CAB39: variants seen among roughly 807,000 people sequenced by gnomAD.
CAB39 encodes calcium binding protein 39, also known as calcium-binding protein 39.
In CAB39, 8 loss-of-function variants were observed where a neutral mutation model predicts 40.0. The observed-to-expected ratio is 0.20, with a 90% CI of 0.12 to 0.36. CAB39 has a LOEUF of 0.36. Among genes scored for constraint, CAB39 ranks in the 10% least tolerant of loss-of-function variants. The pLI is 1.00. For missense variants in CAB39, 270 were observed against 401.1 expected, an observed-to-expected ratio of 0.67 and a Z score of 2.79; for synonymous variants, 156 against 141.6, an observed-to-expected ratio of 1.10 and a Z score of -0.72.
chr2:230,772,721 G>A (rs1312674754), intron 2 of CAB39, among the ~76,000 whole-genome samples: 4 of 151,740 alleles, frequency 2.6e-5, no homozygotes, highest in South Asian at 2.1e-4. Flanking sequence ...TCCTGACCTC[G>A]TGATCTGCCT....
chr2:230,766,423 G>T (rs908124388), intron 2 of CAB39, among the ~76,000 whole-genome samples: 2 of 152,282 alleles, frequency 1.3e-5, no homozygotes, highest in South Asian at 4.1e-4. Flanking sequence ...ACCAGATCTC[G>T]CATGAACTCA....
chr2:230,785,059 C>T (rs979270685), intron 2 of CAB39, among the ~76,000 whole-genome samples: 3 of 152,190 alleles, frequency 2.0e-5, no homozygotes, highest in East Asian at 1.9e-4. Flanking sequence ...CTGTGGGCTC[C>T]GGTGTGCCTA....
intron 1 of CAB39, among the ~76,000 whole-genome samples, chr2:230,733,621 AAG>A (rs1350146379): frequency 1.3e-5 from 2 of 152,212 alleles, no homozygotes; most frequent in African/African-American, 2.4e-5. Flanking sequence ...GAACTATTGA[AAG>A]AGAAATTGGG....
chr2:230,734,765 C>T (rs1291365109), intron 1 of CAB39, among the ~76,000 whole-genome samples: 1 of 150,794 alleles, frequency 6.6e-6, no homozygotes, highest in Non-Finnish European at 1.5e-5. Flanking sequence ...CTGAGGGAGT[C>T]TAAAGAGCTG....
intron 5 of CAB39, among the ~76,000 whole-genome samples, chr2:230,799,991 C>CAAA (rs60654900): frequency 7.5e-6 from 1 of 133,612 alleles, no homozygotes; most frequent in Non-Finnish European, 1.6e-5. Context: ...AACTCCATCT[C>CAAA]AAAAAAAAAA....
chr2:230,714,490 C>T (rs1246794551), intron 1 of CAB39, among the ~76,000 whole-genome samples: 2 of 152,322 alleles, frequency 1.3e-5, no homozygotes, highest in South Asian at 2.1e-4. Context: ...AAAATAAGCT[C>T]ATCTGCACAC....
At chr2:230,803,466 G>A (rs1696129761) in intron 5 of CAB39, among the ~76,000 whole-genome samples, 2 of 152,168 alleles carry the variant, frequency 1.3e-5, no homozygotes, top group South Asian at 4.1e-4. Flanking sequence ...AAGTCAAATT[G>A]TCCCTGTTTG....
intron 7 of CAB39, 32 bp from the exon 8 acceptor site, chr2:230,817,722 A>G: frequency 6.6e-7 from 1 of 1,517,044 alleles, no homozygotes; most frequent in African/African-American, 1.4e-5. Flanking sequence ...TTAAGTTTTA[A>G]TAACAAGGTA....
intron 3 of CAB39, among the ~76,000 whole-genome samples, chr2:230,792,787 C>T (rs767558088): frequency 9.9e-5 from 15 of 152,114 alleles, no homozygotes; most frequent in Non-Finnish European, 2.2e-4. Flanking sequence ...GTATATTTTC[C>T]TCTCCTTCCA....
chr2:230,750,467 G>T (rs1048884031), intron 1 of CAB39, among the ~76,000 whole-genome samples: 4 of 152,064 alleles, frequency 2.6e-5, no homozygotes, highest in Non-Finnish European at 5.9e-5. Context: ...CTCCAGAATC[G>T]TGAGCTAAAT....
At chr2:230,756,493 G>GAAAC (rs890367890) in intron 1 of CAB39, among the ~76,000 whole-genome samples, 1 of 152,106 alleles carries the variant, frequency 6.6e-6, no homozygotes, top group Non-Finnish European at 1.5e-5. Flanking sequence ...CTGAACATAA[G>GAAAC]AAACAAATTC....
chr2:230,730,122 T>C (rs189943859), intron 1 of CAB39, among the ~76,000 whole-genome samples: 5 of 152,342 alleles, frequency 3.3e-5, no homozygotes, highest in South Asian at 4.1e-4. Context: ...TTTTTTCTTA[T>C]AATTTTAGAC....
Position 230,818,759 on chromosome 2 carries a change from A to C in CAB39, c.*55A>C. On this transcript the variant is annotated 3_prime_UTR_variant, in exon 9 of 9. Transcript: ENST00000258418. ...ATTCAGCATTTGCTGTTAGCTATTC[A>C]GCATCAGGCACTCTTATTGATTCAT... 7.4e-7 allele frequency: 1 copy of C among 1,360,116 alleles called. No homozygotes were observed. The allele number at this position is 1,360,116 out of a possible 1,614,324, so 84.3% of individuals were successfully genotyped here.
At chr2:230,725,393 G>T in intron 1 of CAB39, 2 of 1,599,764 alleles carry the variant, frequency 1.3e-6, no homozygotes, top group Non-Finnish European at 1.7e-6. Context: ...GTGCTTTTGG[G>T]AGGTTGTCAT....
At chr2:230,726,811 T>C (rs1374782381) in intron 1 of CAB39, among the ~76,000 whole-genome samples, 1 of 151,798 alleles carries the variant, frequency 6.6e-6, no homozygotes, top group Non-Finnish European at 1.5e-5. Context: ...AACCCTTCCC[T>C]ACAGAAGCTG....
chr2:230,745,257 A>C (rs1694951899), intron 1 of CAB39, among the ~76,000 whole-genome samples: 1 of 152,238 alleles, frequency 6.6e-6, no homozygotes, highest in African/African-American at 2.4e-5. Flanking sequence ...ATCGTGGAGA[A>C]TGTTCCGCTA....
At chr2:230,725,628 C>G (rs1209144007) in intron 1 of CAB39, among the ~76,000 whole-genome samples, 1 of 152,190 alleles carries the variant, frequency 6.6e-6, no homozygotes, top group Non-Finnish European at 1.5e-5. Context: ...GGTCACAGAG[C>G]TTGAACTTGC....
chr2:230,799,345 C>T (rs1696043903), intron 5 of CAB39, among the ~76,000 whole-genome samples: 2 of 152,194 alleles, frequency 1.3e-5, no homozygotes, highest in African/African-American at 4.8e-5. Flanking sequence ...ACATTGTGGA[C>T]AGGCCCGAGG....
At chr2:230,758,685 G>A (rs1182196999) in intron 1 of CAB39, among the ~76,000 whole-genome samples, 2 of 152,116 alleles carry the variant, frequency 1.3e-5, no homozygotes, top group Non-Finnish European at 2.9e-5. Flanking sequence ...ATATAGAAGG[G>A]GAAAACAAAG....
Sources: allele counts gnomAD v4.1 joint callset (sites outside exome capture counted in the v4.1 genomes callset), GRCh38; gene constraint gnomAD v4.1.1; transcripts MANE v1.5; gene names NCBI Gene and HGNC (gene_info 2026-07-23, HGNC 2026-07-21).